The following BCKDHB variants were observed in gnomAD, a reference collection of about 807,000 sequenced individuals.
BCKDHB encodes the protein branched chain keto acid dehydrogenase E1 subunit beta, also known as 2-oxoisovalerate dehydrogenase subunit beta, mitochondrial.
A neutral mutation model predicts 48.5 loss-of-function variants in BCKDHB; 41 were observed. The ratio of observed to expected loss-of-function variants is 0.85; its 90% confidence interval spans 0.66 to 1.10. The LOEUF (loss-of-function observed/expected upper bound fraction) is 1.10, where lower values mean the gene tolerates loss of function less well. BCKDHB is among the 50% of genes least tolerant of loss of function. The probability of loss-of-function intolerance (pLI) is 0.00; values close to 1 mark genes in which losing one functional copy is unlikely to be tolerated. For missense variants in BCKDHB, 496 were observed against 494.2 expected (o/e 1.00, Z -0.03); for synonymous variants, 201 against 174.8 (o/e 1.15, Z -1.18).
the BCKDHB span, among the ~76,000 whole-genome samples, chr6:80,376,477 C>T: frequency 6.6e-6 from 1 of 152,218 alleles, no homozygotes; most frequent in African/African-American, 2.4e-5. Context: ...CACAGTTCCT[C>T]AGCTGTCCCA....
At chr6:80,358,883 T>G in the BCKDHB span, among the ~76,000 whole-genome samples, 3 of 152,178 alleles carry the variant, frequency 2.0e-5, no homozygotes, top group Non-Finnish European at 4.4e-5. Flanking sequence ...TAAAATAAAT[T>G]GATTTTTTAA....
intron 9 of BCKDHB, among the ~76,000 whole-genome samples, chr6:80,342,921 C>A (rs1053513374): frequency 6.6e-6 from 1 of 152,156 alleles, no homozygotes; most frequent in African/African-American, 2.4e-5. Context: ...GACTCATAGT[C>A]TCTCATGGAA....
intron 3 of BCKDHB, 54 bp from the exon 4 acceptor site, chr6:80,167,624 G>A: frequency 6.7e-7 from 1 of 1,495,214 alleles, no homozygotes. Context: ...AATGTATTAT[G>A]CATGACATTA....
chr6:80,283,035 G>T (rs1766424870), intron 9 of BCKDHB, among the ~76,000 whole-genome samples: 1 of 152,210 alleles, frequency 6.6e-6, no homozygotes, highest in South Asian at 2.1e-4. Context: ...GAATTGTCAT[G>T]TGGGATGATT....
At chr6:80,199,096 A>G (rs888450257) in intron 6 of BCKDHB, among the ~76,000 whole-genome samples, 4 of 152,078 alleles carry the variant, frequency 2.6e-5, no homozygotes, top group Non-Finnish European at 4.4e-5. Flanking sequence ...CTGTGGGTGC[A>G]TTGGATTGCC....
chr6:80,351,641 T>A, the BCKDHB span, among the ~76,000 whole-genome samples: 1 of 76,582 alleles, frequency 1.3e-5, no homozygotes, highest in African/African-American at 3.0e-5. Context: ...GAATTTTTTT[T>A]TTTCTTTTTT....
rs1773288637 is a variant in BCKDHB, at chr6:80,178,914, T to C, written c.742+7524T>C. ...TACCCTATTTTGCATCCCACCTAATTATTATTGAATGGAGGACATAAATGA... is the reference window on the plus strand; with the variant it reads ...TACCCTATTTTGCATCCCACCTAATCATTATTGAATGGAGGACATAAATGA... On this transcript the variant is annotated intron_variant, in intron 6 of 9. Transcript: ENST00000320393. Among the ~76,000 whole-genome samples the C allele has an allele frequency of 2.6e-5, 4 of 152,310 alleles. No individual in the cohort carries two copies. In the South Asian group the frequency reaches 8.3e-4, roughly 32 times the overall value.
intron 3 of BCKDHB, among the ~76,000 whole-genome samples, chr6:80,164,145 C>T (rs1001142182): frequency 3.9e-5 from 6 of 152,144 alleles, no homozygotes; most frequent in African/African-American, 9.7e-5. Flanking sequence ...CTCTCTGACT[C>T]GCTCTCACAG....
intron 8 of BCKDHB, among the ~76,000 whole-genome samples, chr6:80,253,761 TTATA>T (rs1379051751): frequency 2.6e-5 from 4 of 152,096 alleles, no homozygotes; most frequent in African/African-American, 9.7e-5. Flanking sequence ...TTTCTGAATA[TTATA>T]TAGTTTTTTA....
intron 8 of BCKDHB, among the ~76,000 whole-genome samples, chr6:80,264,326 A>C (rs1216564751): frequency 6.6e-6 from 1 of 152,188 alleles, no homozygotes; most frequent in Non-Finnish European, 1.5e-5. Context: ...TTAAAAGTTA[A>C]TTGAGAGATT....
chr6:80,152,535 A>G (rs1194024217), intron 3 of BCKDHB, among the ~76,000 whole-genome samples: 1 of 152,176 alleles, frequency 6.6e-6, no homozygotes, highest in Non-Finnish European at 1.5e-5. Context: ...ATATTCCCTG[A>G]CACCCAAACA....
the BCKDHB span, among the ~76,000 whole-genome samples, chr6:80,442,868 G>A: frequency 1.3e-5 from 2 of 152,186 alleles, no homozygotes; most frequent in Non-Finnish European, 2.9e-5. Flanking sequence ...ATAGCAGAGT[G>A]TGATTAGGCA....
intron 9 of BCKDHB, among the ~76,000 whole-genome samples, chr6:80,284,194 C>T (rs1343900549): frequency 3.3e-5 from 5 of 152,056 alleles, no homozygotes; most frequent in African/African-American, 7.2e-5. Context: ...TCACAGCTCA[C>T]TAAAATATAG....
intron 9 of BCKDHB, among the ~76,000 whole-genome samples, chr6:80,339,705 C>A (rs960965381): frequency 3.9e-5 from 6 of 152,148 alleles, no homozygotes; most frequent in African/African-American, 1.4e-4. Context: ...CTTCACATAT[C>A]TTAGCCTACA....
chr6:80,351,090 C>A (rs1770380803), downstream of BCKDHB, among the ~76,000 whole-genome samples: 1 of 152,096 alleles, frequency 6.6e-6, no homozygotes, highest in African/African-American at 2.4e-5. Context: ...TACATTTAAC[C>A]TTGTATACTA....
intron 9 of BCKDHB, among the ~76,000 whole-genome samples, chr6:80,334,718 C>T (rs1259645184): frequency 6.6e-6 from 1 of 151,664 alleles, no homozygotes; most frequent in African/African-American, 2.4e-5. Context: ...AGATTCCCCC[C>T]TCCCCCTTTT....
At chr6:80,326,153 A>G (rs1199252105) in intron 9 of BCKDHB, among the ~76,000 whole-genome samples, 1 of 151,788 alleles carries the variant, frequency 6.6e-6, no homozygotes, top group African/African-American at 2.4e-5. Context: ...AAAACTGTGT[A>G]CTGTTTTCAT....
chr6:80,286,706 A>C (rs756565592), intron 9 of BCKDHB, among the ~76,000 whole-genome samples: 1 of 152,164 alleles, frequency 6.6e-6, no homozygotes, highest in South Asian at 2.1e-4. Context: ...TTTGCCTTTC[A>C]ACTATGAAAC....
the BCKDHB span, among the ~76,000 whole-genome samples, chr6:80,386,049 G>A: frequency 6.6e-6 from 1 of 152,202 alleles, no homozygotes; most frequent in Non-Finnish European, 1.5e-5. Flanking sequence ...GTTTAATGTA[G>A]AGGAAGGGAT....
Sources: gnomAD v4.1 joint callset for allele counts (sites outside exome capture counted in the v4.1 genomes callset) on GRCh38, gnomAD v4.1.1 for gene constraint, MANE v1.5 for transcripts, NCBI Gene and HGNC (gene_info 2026-07-23, HGNC 2026-07-21) for gene names.